Variants in CNTN6 observed in about 807,000 individuals in gnomAD.
The protein encoded by CNTN6 is contactin-6.
A neutral mutation model predicts 122.8 loss-of-function variants in CNTN6; 137 were observed. The observed-to-expected ratio is 1.12, with a 90% CI of 0.97 to 1.29. The LOEUF (loss-of-function observed/expected upper bound fraction) is 1.29, where lower values mean the gene tolerates loss of function less well. Among genes scored for constraint, CNTN6 ranks in the 50% most tolerant of loss-of-function variants. The pLI, the probability that CNTN6 is intolerant of heterozygous loss-of-function variation, is 0.00. For synonymous variants in CNTN6, 570 were observed against 426.0 expected (o/e 1.34, Z -4.16); for missense variants, 1,634 against 1,223.4 (o/e 1.34, Z -5.01).
At chr3:1,142,698 C>T (rs539848505) in intron 1 of CNTN6, among the ~76,000 whole-genome samples, 1 of 151,900 alleles carries the variant, frequency 6.6e-6, no homozygotes, top group Non-Finnish European at 1.5e-5. Flanking sequence ...ACTAAAACAG[C>T]CATAGACAAT....
At chr3:1,230,884 C>A (rs1038675058) in intron 4 of CNTN6, among the ~76,000 whole-genome samples, 11 of 152,154 alleles carry the variant, frequency 7.2e-5, no homozygotes, top group African/African-American at 2.7e-4. Context: ...TAAACTGTAT[C>A]TTCAGGACAG....
rs1489090175 is a variant in CNTN6 at position 1,329,875 on chromosome 3, C to T, written c.1304C>T (p.Ala435Val). Residue 435 changes from alanine (A) to valine (V), a missense_variant, in exon 11 of 23, where the codon GCT (alanine) becomes GTT (valine). Ala to Val is a moderately conservative substitution (Grantham distance 64, BLOSUM62 0). Transcript: ENST00000446702. ...GDIVIGCKPNAFPRAAISWKR... is the reference protein window; with the variant it reads ...GDIVIGCKPNVFPRAAISWKR... ...ATTGTTATCGGATGCAAACCAAATG[C>T]TTTTCCCAGGGCAGCTATCTCTTGG... is the stretch of plus-strand genomic sequence containing the variant. 2 of 1,610,666 alleles carry T rather than the reference C, an allele frequency of 1.2e-6. No homozygotes were observed. Among genetic ancestry groups the T allele is most frequent in the Non-Finnish European group, 8.5e-7 (1 of 1,177,894 alleles).
chr3:1,265,635 G>T (rs1389650905), intron 4 of CNTN6, among the ~76,000 whole-genome samples: 1 of 152,162 alleles, frequency 6.6e-6, no homozygotes, highest in African/African-American at 2.4e-5. Context: ...GAGTCCTTCA[G>T]CATTCTATAT....
chr3:1,114,351 A>G (rs2091618843), intron 1 of CNTN6, among the ~76,000 whole-genome samples: 1 of 152,196 alleles, frequency 6.6e-6, no homozygotes, highest in Admixed American at 6.6e-5. Context: ...CTATGAATCA[A>G]GCCTTGGAGA....
In CNTN6 at chr3:1,318,243, T is replaced by A. The variant is rs200068249; in HGVS notation, c.762-3407T>A. Among the ~76,000 whole-genome samples, 38 of 151,878 alleles carry A rather than the reference T, an allele frequency of 2.5e-4. No individual in the cohort carries two copies. In the East Asian group the frequency reaches 7.4e-3, roughly 30 times the overall value. ...GCCTTTTGCTATCATTCTGGTGTGA[T>A]TGTAGCTCTGCAGAGCAATAAGTTC... On this transcript the variant is annotated intron_variant, in intron 7 of 22. Coordinates refer to ENST00000446702, the MANE Select transcript of CNTN6 (RefSeq NM_001289080.2).
chr3:1,158,833 CACACACATATAT>C (rs1559421941), intron 2 of CNTN6, among the ~76,000 whole-genome samples: 5,169 of 76,284 alleles, frequency 0.068, 461 homozygotes, highest in African/African-American at 0.3. Context: ...CATATATATA[CACACACATATAT>C]ATACATACAT....
chr3:1,261,542 C>G (rs761904883), intron 4 of CNTN6, among the ~76,000 whole-genome samples: 1 of 152,062 alleles, frequency 6.6e-6, no homozygotes, highest in African/African-American at 2.4e-5. Flanking sequence ...GGCCTGCTTT[C>G]TATGTAGACA....
intron 20 of CNTN6, among the ~76,000 whole-genome samples, chr3:1,391,755 CCAA>C (rs1231559276): frequency 6.7e-6 from 1 of 149,364 alleles, no homozygotes; most frequent in Non-Finnish European, 1.5e-5. Context: ...TTCTTATACA[CCAA>C]CAACAGACAA....
Position 1,227,959 on chromosome 3 carries a change from A to G in CNTN6, c.324A>G (p.Thr108=). Residue 108 remains threonine, a synonymous_variant, in exon 4 of 23, where the codon ACA becomes ACG. Transcript: ENST00000446702. ...YQCLATNLLG[T]ILSRKAKLQF... Reference sequence around the variant, plus strand: ...GCCTGGCCACCAATCTTCTGGGGACAATTCTGAGTCGGAAGGCAAAGCTCC... The same window carrying G: ...GCCTGGCCACCAATCTTCTGGGGACGATTCTGAGTCGGAAGGCAAAGCTCC... The G allele has an allele frequency of 6.2e-7, 1 of 1,613,878 alleles. No homozygotes were observed. Among genetic ancestry groups the G allele is most frequent in the East Asian group, 2.2e-5 (1 of 44,864 alleles).
intron 4 of CNTN6, among the ~76,000 whole-genome samples, chr3:1,255,206 C>T (rs2125684186): frequency 6.6e-6 from 1 of 152,026 alleles, no homozygotes; most frequent in Admixed American, 6.6e-5. Context: ...CAAAGTCAGA[C>T]CAGATTGAGG....
intron 1 of CNTN6, among the ~76,000 whole-genome samples, chr3:1,147,079 T>C (rs1211428703): frequency 1.3e-5 from 2 of 152,008 alleles, no homozygotes; most frequent in African/African-American, 4.8e-5. Flanking sequence ...CATCAAGAAA[T>C]AAAAATTTTA....
At chr3:1,390,041 A>C (rs1693866037) in intron 20 of CNTN6, among the ~76,000 whole-genome samples, 1 of 151,950 alleles carries the variant, frequency 6.6e-6, no homozygotes, top group Non-Finnish European at 1.5e-5. Flanking sequence ...AATTGAACTC[A>C]GCTCTGCACC....
chr3:1,245,044 G>T (rs2094541155), intron 4 of CNTN6, among the ~76,000 whole-genome samples: 1 of 148,834 alleles, frequency 6.7e-6, no homozygotes, highest in African/African-American at 2.5e-5. Flanking sequence ...ATGTATACGT[G>T]CAAGTTACAG....
At position 1,224,753 on chromosome 3, in the gene CNTN6, T is replaced by TG. The variant is rs201042544; in HGVS notation, c.183-3064dup. Among the ~76,000 whole-genome samples the TG allele has an allele frequency of 6.6e-3, 1,000 of 152,184 alleles. 12 individuals carry two copies. The highest frequency in any genetic ancestry group is 0.022 in the African/African-American group (934 of 41,528). On this transcript the variant is annotated intron_variant, in intron 3 of 22. Transcript: ENST00000446702. ...CAGCCCACAACCATTATTCTTTTTT[T>TG]GTTTTTGTTTTTGAGACAGTCTTGC...
At position 1,377,081 on chromosome 3, in the gene CNTN6, T is replaced by C. The variant is rs776520200; in HGVS notation, c.2166+6T>C. The C allele has an allele frequency of 1.3e-6, 2 of 1,587,532 alleles. No individual in the cohort carries two copies. Among genetic ancestry groups the C allele is most frequent in the Admixed American group, 3.5e-5 (2 of 57,274 alleles). ...AACTCGTCATTACGTGGGAGGTAAT[T>C]TTCTGTCCAACTGAGTTATTTTGAA... On this transcript the variant is annotated splice_donor_region_variant and intron_variant, in intron 17 of 22. Transcript: ENST00000446702.
intron 2 of CNTN6, among the ~76,000 whole-genome samples, chr3:1,213,471 A>T (rs7433466): frequency 2.1e-5 from 2 of 97,254 alleles, no homozygotes; most frequent in Admixed American, 1.4e-4. Context: ...TTCATTTTTT[A>T]AAAAATCTGA....
At chr3:1,239,521 A>G (rs2094457875) in intron 4 of CNTN6, among the ~76,000 whole-genome samples, 1 of 152,226 alleles carries the variant, frequency 6.6e-6, no homozygotes, top group South Asian at 2.1e-4. Context: ...AAGAAATCAT[A>G]GATGACACAA....
At chr3:1,259,512 TATTTA>T (rs1197152592) in intron 4 of CNTN6, among the ~76,000 whole-genome samples, 3 of 152,132 alleles carry the variant, frequency 2.0e-5, no homozygotes, top group African/African-American at 4.8e-5. Context: ...TAAATGTAAT[TATTTA>T]ATTTCTATTT....
intron 11 of CNTN6, among the ~76,000 whole-genome samples, chr3:1,343,407 A>G (rs1575784574): frequency 6.6e-6 from 1 of 152,122 alleles, no homozygotes; most frequent in African/African-American, 2.4e-5. Context: ...AAACTAACAG[A>G]AAGTCACTTC....
Sources: allele counts gnomAD v4.1 joint callset (sites outside exome capture counted in the v4.1 genomes callset), GRCh38; gene constraint gnomAD v4.1.1; transcripts MANE v1.5; gene names NCBI Gene and HGNC (gene_info 2026-07-23, HGNC 2026-07-21).